AFDN: variants seen among roughly 807,000 people sequenced by gnomAD.
AFDN encodes afadin, adherens junction formation factor.
A neutral mutation model predicts 216.6 loss-of-function variants in AFDN; 68 were observed. The observed-to-expected ratio is 0.31, with a 90% confidence interval of 0.26 to 0.38. AFDN has a LOEUF of 0.38. AFDN is among the 10% of genes least tolerant of loss of function. The pLI, the probability that AFDN is intolerant of heterozygous loss-of-function variation, is 1.00. For synonymous variants in AFDN, 868 were observed against 853.7 expected (o/e 1.02, Z -0.29); for missense variants, 2,136 against 2,342.0 (o/e 0.91, Z 1.82).
chr6:167,952,143 A>G lies in AFDN; in HGVS notation c.4789A>G (p.Thr1597Ala). The G allele has an allele frequency of 6.2e-7, 1 of 1,614,134 alleles. No homozygotes were observed. The highest frequency in any genetic ancestry group is 1.1e-5 in the South Asian group (1 of 91,058). The change falls in exon 30 of 34, where the codon ACC becomes GCC. Residue 1597 changes from threonine to alanine, a missense_variant. Coordinates refer to ENST00000683244, the MANE Select transcript of AFDN (RefSeq NM_001386888.1). ...GGAGGAGGAGGACGATGATGTGGAC[A>G]CCATGCTGATCATGCAGCGCCTGGA... ...DEEEEDDDVD[T>A]MLIMQRLEAE...
At chr6:167,851,395 A>G (rs1455287194) in intron 1 of AFDN, among the ~76,000 whole-genome samples, 1 of 152,196 alleles carries the variant, frequency 6.6e-6, no homozygotes, top group African/African-American at 2.4e-5. Flanking sequence ...CCTAGTATCC[A>G]TTAGATATTT....
At chr6:167,914,457 A>G in intron 17 of AFDN, 144 bp downstream of exon 17, 1 of 1,008,526 alleles carries the variant, frequency 9.9e-7, no homozygotes, top group Non-Finnish European at 1.4e-6. Flanking sequence ...TGCAAAATGT[A>G]TTAACTACCT....
rs751202236 is a variant in AFDN at position 167,965,753 on chromosome 6, G to T, written c.4969-4G>T. The T allele has an allele frequency of 3.5e-5, 53 of 1,529,986 alleles. No homozygotes were observed. The highest frequency in any genetic ancestry group is 4.6e-5 in the Non-Finnish European group (52 of 1,139,558). The allele number at this position is 1,529,986 out of a possible 1,614,324, so 94.8% of individuals were successfully genotyped here. On this transcript the variant is annotated splice_polypyrimidine_tract_variant and splice_region_variant and intron_variant, in intron 31 of 33. Coordinates refer to ENST00000683244, the MANE Select transcript of AFDN (RefSeq NM_001386888.1). ...TTTGCACTCTTGTCTATTCCCGCCC[G>T]CAGAGGCGACAGGAAGAAGGGTATT...
intron 13 of AFDN, among the ~76,000 whole-genome samples, chr6:167,909,471 C>T (rs1232071140): frequency 2.0e-5 from 3 of 151,754 alleles, no homozygotes; most frequent in African/African-American, 7.3e-5. Flanking sequence ...ATAAGTTATT[C>T]CTTTTTATTT....
intron 2 of AFDN, among the ~76,000 whole-genome samples, chr6:167,869,190 G>A (rs1371316621): frequency 6.6e-6 from 1 of 152,074 alleles, no homozygotes; most frequent in Non-Finnish European, 1.5e-5. Context: ...GCAGTGGGCA[G>A]AGCTGGACAG....
intron 1 of AFDN, among the ~76,000 whole-genome samples, chr6:167,835,376 TA>T (rs1164033725): frequency 6.6e-6 from 1 of 152,184 alleles, no homozygotes; most frequent in Non-Finnish European, 1.5e-5. Context: ...TTCTTTCAAG[TA>T]AAAAAATGGT....
At position 167,948,378 on chromosome 6, in the gene AFDN, A is replaced by T. The variant is rs762039500; in HGVS notation, c.3731A>T (p.Lys1244Ile). The stretch of plus-strand genomic sequence containing the variant: ...GAGTATTTTACCTTCCCAGCTTCCA[A>T]ATCCCAGGATCGGATGGCTCCTCCT... ...TREYFTFPAS[K>I]SQDRMAPPQN... The change falls in exon 29 of 34, where the codon AAA becomes ATA. Residue 1244 changes from lysine to isoleucine, a missense_variant. Coordinates refer to ENST00000683244, the MANE Select transcript of AFDN (RefSeq NM_001386888.1). The T allele has an allele frequency of 3.1e-6, 5 of 1,614,132 alleles. No homozygotes were observed. The South Asian group carries it at 5.5e-5, about 18-fold the overall frequency.
In AFDN at chr6:167,970,015, A is replaced by C. The variant is rs979981467; in HGVS notation, c.*80A>C. On this transcript the variant is annotated 3_prime_UTR_variant, in exon 34 of 34. Coordinates refer to ENST00000683244, the MANE Select transcript of AFDN (RefSeq NM_001386888.1). ...TTGTAGGTGCGAGTTTGAAGAGGAA[A>C]AGAGGAAGGGGGTTATATTTCTAAG... is the stretch of plus-strand genomic sequence containing the variant. 2.1e-5 allele frequency: 23 copies of C among 1,109,220 alleles called. No homozygotes were observed. Among genetic ancestry groups the C allele is most frequent in the Non-Finnish European group, 2.8e-5 (22 of 786,456 alleles). The allele number at this position is 1,109,220 out of a possible 1,614,324, so 68.7% of individuals were successfully genotyped here.
chr6:167,852,018 G>T (rs1782369124), intron 1 of AFDN, among the ~76,000 whole-genome samples: 1 of 152,098 alleles, frequency 6.6e-6, no homozygotes, highest in Admixed American at 6.6e-5. Flanking sequence ...TTTTCAGTTT[G>T]TCGTTCTTAA....
chr6:167,854,072 T>C (rs1200408822), intron 1 of AFDN, among the ~76,000 whole-genome samples: 2 of 152,046 alleles, frequency 1.3e-5, no homozygotes, highest in Non-Finnish European at 2.9e-5. Flanking sequence ...TATATACTTT[T>C]TTTTCCCCTT....
At chr6:167,947,468 C>CAT (rs1795451684) in intron 27 of AFDN, among the ~76,000 whole-genome samples, 1 of 152,168 alleles carries the variant, frequency 6.6e-6, no homozygotes, top group Non-Finnish European at 1.5e-5. Context: ...CTTGAGCCAC[C>CAT]ATGCCCAGCC....
At chr6:167,898,116 A>T in intron 10 of AFDN, 89 bp from the exon 11 acceptor site, 1 of 1,403,402 alleles carries the variant, frequency 7.1e-7, no homozygotes, top group South Asian at 1.4e-5. Flanking sequence ...TATATTTGTC[A>T]TAAAAGGGGT....
rs1795319831 is a variant in AFDN at position 167,946,827 on chromosome 6, A to G, written c.3479A>G (p.Glu1160Gly). The G allele has an allele frequency of 1.9e-6, 3 of 1,612,836 alleles. No individual in the cohort carries two copies. The highest frequency in any genetic ancestry group is 2.5e-6 in the Non-Finnish European group (3 of 1,179,722). Residue 1160 changes from glutamate to glycine, a missense_variant, in exon 27 of 34, where the codon GAA becomes GGA. Coordinates refer to ENST00000683244, the MANE Select transcript of AFDN (RefSeq NM_001386888.1). ...CAGCTGCCTTGGGCAGAATATAGTGAACCAAAGAAATTGCCTGGTGATGAC... is the reference window on the plus strand; with the variant it reads ...CAGCTGCCTTGGGCAGAATATAGTGGACCAAAGAAATTGCCTGGTGATGAC... Reference protein sequence around the residue: ...SPQLPWAEYSEPKKLPGDDRL... With the variant: ...SPQLPWAEYSGPKKLPGDDRL...
At chr6:167,876,773 T>G (rs1293968298) in intron 5 of AFDN, among the ~76,000 whole-genome samples, 1 of 152,104 alleles carries the variant, frequency 6.6e-6, no homozygotes, top group Non-Finnish European at 1.5e-5. Context: ...CATTTACATT[T>G]TTTTTTTTTA....
chr6:167,925,713 A>G (rs1371623494), intron 23 of AFDN, among the ~76,000 whole-genome samples: 1 of 152,158 alleles, frequency 6.6e-6, no homozygotes, highest in Non-Finnish European at 1.5e-5. Flanking sequence ...TTAAAGCTAC[A>G]CAGATCTTTT....
At chr6:167,850,111 A>G (rs1782136208) in intron 1 of AFDN, among the ~76,000 whole-genome samples, 1 of 152,230 alleles carries the variant, frequency 6.6e-6, no homozygotes, top group Non-Finnish European at 1.5e-5. Flanking sequence ...TCATGATACC[A>G]GGGAGAGAAT....
At chr6:167,848,923 C>T (rs149235875) in intron 1 of AFDN, among the ~76,000 whole-genome samples, 5,549 of 152,192 alleles carry the variant, frequency 0.036, 143 homozygotes, top group African/African-American at 0.062. Context: ...GTCTGCCATA[C>T]TGCTGGAACT....
chr6:167,929,624 G>A (rs1481258426), intron 23 of AFDN, among the ~76,000 whole-genome samples: 1 of 152,160 alleles, frequency 6.6e-6, no homozygotes, highest in Non-Finnish European at 1.5e-5. Context: ...TTGAGCACCC[G>A]CTCTATTTGG....
At chr6:167,859,921 G>A (rs1783349839) in intron 1 of AFDN, among the ~76,000 whole-genome samples, 1 of 151,824 alleles carries the variant, frequency 6.6e-6, no homozygotes, top group South Asian at 2.1e-4. Context: ...GTGTATCAAG[G>A]TAAATGTTTA....
Sources: allele counts gnomAD v4.1 joint callset (sites outside exome capture counted in the v4.1 genomes callset), GRCh38; gene constraint gnomAD v4.1.1; transcripts MANE v1.5; gene names NCBI Gene and HGNC (gene_info 2026-07-23, HGNC 2026-07-21).